GALNTL6: variants seen among roughly 807,000 people sequenced by gnomAD.
The protein encoded by GALNTL6 is polypeptide N-acetylgalactosaminyltransferase-like 6.
Under a neutral mutation model 73.7 loss-of-function variants are expected in GALNTL6, and 46 were observed. The ratio of observed to expected loss-of-function variants is 0.62; its 90% CI spans 0.49 to 0.80. The LOEUF is 0.80. Ranked by LOEUF, GALNTL6 falls within the 30% of genes least tolerant of loss-of-function variation. The pLI is 0.00. For missense variants in GALNTL6, 604 were observed against 755.0 expected (o/e 0.80, Z 2.34); for synonymous variants, 259 against 263.7 (o/e 0.98, Z 0.17).
intron 2 of GALNTL6, among the ~76,000 whole-genome samples, chr4:171,836,202 C>G (rs1735090490): frequency 6.6e-6 from 1 of 151,982 alleles, no homozygotes; most frequent in African/African-American, 2.4e-5. Flanking sequence ...ATGAAACTAT[C>G]TATTTTTAAA....
chr4:172,994,427 C>G (rs1025118823), intron 10 of GALNTL6, among the ~76,000 whole-genome samples: 1 of 152,172 alleles, frequency 6.6e-6, no homozygotes, highest in East Asian at 1.9e-4. Flanking sequence ...ATTTTTACCA[C>G]ACCTCAGCTG....
At chr4:171,973,794 T>G (rs2111068491) in intron 2 of GALNTL6, among the ~76,000 whole-genome samples, 1 of 152,308 alleles carries the variant, frequency 6.6e-6, no homozygotes, top group Non-Finnish European at 1.5e-5. Flanking sequence ...GTTATTATCG[T>G]TATAGAGACA....
chr4:172,631,848 C>CT (rs1260761465), intron 5 of GALNTL6, among the ~76,000 whole-genome samples: 2 of 152,186 alleles, frequency 1.3e-5, no homozygotes, highest in African/African-American at 4.8e-5. Context: ...AAATATCACA[C>CT]TGATAAAACC....
intron 5 of GALNTL6, among the ~76,000 whole-genome samples, chr4:172,683,145 G>C (rs1732722469): frequency 6.6e-6 from 1 of 152,142 alleles, no homozygotes. Context: ...CAAAGTCAGA[G>C]ACTAATCCAC....
intron 5 of GALNTL6, among the ~76,000 whole-genome samples, chr4:172,607,208 A>G (rs1738338131): frequency 6.6e-6 from 1 of 152,148 alleles, no homozygotes; most frequent in South Asian, 2.1e-4. Context: ...CTCTACTCTC[A>G]TGAGGGTTTG....
chr4:172,380,382 GA>G (rs1392872022), intron 5 of GALNTL6: 2 of 666,046 alleles, frequency 3.0e-6, no homozygotes, highest in African/African-American at 3.6e-5. Context: ...ATGACCACAT[GA>G]AAATAATGGA....
At chr4:172,631,128 A>G (rs1739378155) in intron 5 of GALNTL6, among the ~76,000 whole-genome samples, 1 of 151,584 alleles carries the variant, frequency 6.6e-6, no homozygotes, top group South Asian at 2.1e-4. Flanking sequence ...GTTTTTTTTT[A>G]ACTTTTTTGA....
At chr4:172,257,522 T>G (rs910972199) in intron 3 of GALNTL6, among the ~76,000 whole-genome samples, 2 of 151,346 alleles carry the variant, frequency 1.3e-5, no homozygotes, top group Non-Finnish European at 3.0e-5. Flanking sequence ...TGATTTGTGC[T>G]CTAGCTACAA....
At chr4:172,238,084 A>T (rs1330592530) in intron 3 of GALNTL6, among the ~76,000 whole-genome samples, 2 of 151,974 alleles carry the variant, frequency 1.3e-5, no homozygotes, top group South Asian at 4.1e-4. Context: ...TTTTGGTTTC[A>T]TGTGAATTTT....
rs376498568 is a variant in GALNTL6, at chr4:172,038,936, G to T, written c.139-190720G>T. Among the ~76,000 whole-genome samples the T allele has an allele frequency of 7.2e-5, 11 of 152,296 alleles. 1 individual carries two copies. The highest frequency in any genetic ancestry group is 3.9e-4 in the Admixed American group (6 of 15,286). On this transcript the variant is annotated intron_variant, in intron 2 of 12. Coordinates refer to ENST00000506823, the MANE Select transcript of GALNTL6 (RefSeq NM_001034845.3). ...TCCAAGAGAATCTAGATCTTTCTCTGCTGAGATATTCTTTTTTATTATTCA... is the reference window on the plus strand; with the variant it reads ...TCCAAGAGAATCTAGATCTTTCTCTTCTGAGATATTCTTTTTTATTATTCA...
At chr4:173,005,186 C>A (rs114146325) in intron 10 of GALNTL6, among the ~76,000 whole-genome samples, 303 of 152,278 alleles carry the variant, frequency 2.0e-3, no homozygotes, top group Non-Finnish European at 3.4e-3. Flanking sequence ...TTGATCCTTG[C>A]CCAAAAGGAG....
intron 2 of GALNTL6, among the ~76,000 whole-genome samples, chr4:171,847,014 A>C (rs1735393333): frequency 6.7e-6 from 1 of 149,972 alleles, no homozygotes; most frequent in African/African-American, 2.4e-5. Flanking sequence ...AGATATCTAT[A>C]TCTCTCTCTT....
intron 11 of GALNTL6, among the ~76,000 whole-genome samples, chr4:173,010,210 T>C (rs1223637825): frequency 1.3e-5 from 2 of 152,122 alleles, no homozygotes; most frequent in Admixed American, 1.3e-4. Context: ...ATCATCTCCA[T>C]GGGTTCAATT....
chr4:171,889,484 A>G (rs898006223), intron 2 of GALNTL6, among the ~76,000 whole-genome samples: 2 of 152,100 alleles, frequency 1.3e-5, no homozygotes, highest in African/African-American at 4.8e-5. Flanking sequence ...CATGAAGTTA[A>G]TGACATATAT....
At chr4:172,548,933 C>G (rs889944246) in intron 5 of GALNTL6, among the ~76,000 whole-genome samples, 65 of 152,010 alleles carry the variant, frequency 4.3e-4, no homozygotes, top group African/African-American at 1.5e-3. Context: ...TGTTGTTTCT[C>G]TATTATTTCA....
At chr4:172,174,262 T>C (rs973623210) in intron 2 of GALNTL6, among the ~76,000 whole-genome samples, 1 of 152,094 alleles carries the variant, frequency 6.6e-6, no homozygotes, top group Non-Finnish European at 1.5e-5. Flanking sequence ...ATGAAGAAAA[T>C]GTGAGGTGAA....
intron 2 of GALNTL6, among the ~76,000 whole-genome samples, chr4:171,942,241 G>GATAGATAAATAA (rs1370018816): frequency 0.13 from 4,050 of 30,100 alleles, 210 homozygotes; most frequent in African/African-American, 0.19. Context: ...AAAATAAATA[G>GATAGATAAATAA]ATAAATAAAT....
At chr4:172,810,018 A>G (rs1741199856) in intron 6 of GALNTL6, among the ~76,000 whole-genome samples, 1 of 151,934 alleles carries the variant, frequency 6.6e-6, no homozygotes, top group Non-Finnish European at 1.5e-5. Flanking sequence ...GAATACAGTT[A>G]AAGTAGAAGC....
intron 7 of GALNTL6, among the ~76,000 whole-genome samples, chr4:172,823,850 A>G (rs1422086185): frequency 1.3e-5 from 2 of 152,228 alleles, no homozygotes; most frequent in African/African-American, 4.8e-5. Context: ...AGGAGATAAC[A>G]TCTTTAACAA....
Sources: gnomAD v4.1 joint callset for allele counts (sites outside exome capture counted in the v4.1 genomes callset) on GRCh38, gnomAD v4.1.1 for gene constraint, MANE v1.5 for transcripts, NCBI Gene and HGNC (gene_info 2026-07-23, HGNC 2026-07-21) for gene names.